DEPDC1B: variants seen among roughly 807,000 people sequenced by gnomAD.
The protein encoded by DEPDC1B is DEP domain-containing protein 1B.
DEPDC1B carries 51 observed loss-of-function variants against 66.5 expected under a neutral mutation model. The observed-to-expected ratio is 0.77, with a 90% confidence interval of 0.61 to 0.97. DEPDC1B has a LOEUF of 0.97. Among genes scored for constraint, DEPDC1B ranks in the 50% least tolerant of loss-of-function variants. The pLI is 0.00. For synonymous variants in DEPDC1B, 226 were observed against 223.6 expected (o/e 1.01, Z -0.10); for missense variants, 552 against 637.1 (o/e 0.87, Z 1.44).
At chr5:60,659,115 C>T (rs547898075) in intron 2 of DEPDC1B, among the ~76,000 whole-genome samples, 1 of 152,304 alleles carries the variant, frequency 6.6e-6, no homozygotes, top group Admixed American at 6.5e-5. Flanking sequence ...AGCTATACCA[C>T]TCATCGCATG....
chr5:60,603,842 TATATACACACAC>T (rs1466840037), intron 8 of DEPDC1B, among the ~76,000 whole-genome samples: 1 of 150,972 alleles, frequency 6.6e-6, no homozygotes, highest in Admixed American at 6.6e-5. Flanking sequence ...TATATATATA[TATATACACACAC>T]ATACACACAT....
chr5:60,617,666 T>C (rs1031284993), intron 7 of DEPDC1B, among the ~76,000 whole-genome samples: 1 of 152,182 alleles, frequency 6.6e-6, no homozygotes, highest in Non-Finnish European at 1.5e-5. Flanking sequence ...CTAAGAGACG[T>C]AGACTCCCAC....
chr5:60,642,462 T>A (rs1753211616), intron 6 of DEPDC1B, among the ~76,000 whole-genome samples: 1 of 152,198 alleles, frequency 6.6e-6, no homozygotes, highest in South Asian at 2.1e-4. Context: ...ACCACCCTGG[T>A]CCAGGCCCTC....
rs541071681 is a variant in DEPDC1B at position 60,624,949 on chromosome 5, T to A, written c.898+13801A>T. ...TGTGATGTTCCCTGCCTTGTGTCCATGTGTTCTCATTGTTCAACTGCCACT... is the reference window on the plus strand; with the variant it reads ...TGTGATGTTCCCTGCCTTGTGTCCAAGTGTTCTCATTGTTCAACTGCCACT... On this transcript the variant is annotated intron_variant, in intron 7 of 10. Transcript: ENST00000265036. 2.4e-3 allele frequency among the ~76,000 whole-genome samples: 331 copies of A among 140,678 alleles called. 3 individuals carry two copies. Among genetic ancestry groups the A allele is most frequent in the African/African-American group, 8.1e-3 (310 of 38,462 alleles). The allele number at this position is 140,678 out of a possible 152,430, so 92.3% of individuals were successfully genotyped here.
rs1754752169 is a variant in DEPDC1B at position 60,700,058 on chromosome 5, T to C, written c.36A>G (p.Arg12=). ...EHRIVGPGPY[R]ATRLWNETVE... ...CACACTCACTCACCAGCCTGGTAGCTCGGTACGGCCCGGGCCCCACGATGC... is the reference window on the plus strand; with the variant it reads ...CACACTCACTCACCAGCCTGGTAGCCCGGTACGGCCCGGGCCCCACGATGC... Residue 12 remains arginine, a synonymous_variant, in exon 1 of 11, where the codon CGA becomes CGG. Coordinates refer to ENST00000265036, the MANE Select transcript of DEPDC1B (RefSeq NM_018369.3). The C allele has an allele frequency of 6.4e-7, 1 of 1,558,356 alleles. No homozygotes were observed. Among genetic ancestry groups the C allele is most frequent in the Non-Finnish European group, 8.7e-7 (1 of 1,152,920 alleles).
chr5:60,604,241 T>TA (rs1554050498), intron 8 of DEPDC1B, among the ~76,000 whole-genome samples: 1 of 143,126 alleles, frequency 7.0e-6, no homozygotes, highest in Non-Finnish European at 1.5e-5. Flanking sequence ...TTTTTTTTTT[T>TA]ACGGAGTCTC....
At chr5:60,646,575 A>G (rs1753320968) in intron 3 of DEPDC1B, among the ~76,000 whole-genome samples, 1 of 152,170 alleles carries the variant, frequency 6.6e-6, no homozygotes, top group African/African-American at 2.4e-5. Flanking sequence ...TATTCAGAGG[A>G]AAAAAATGGA....
In DEPDC1B at chr5:60,605,794, G is replaced by C. The variant is rs1298710067; in HGVS notation, c.961C>G (p.Pro321Ala). The C allele has an allele frequency of 6.2e-7, 1 of 1,613,064 alleles. No individual in the cohort carries two copies. The highest frequency in any genetic ancestry group is 1.7e-5 in the Admixed American group (1 of 59,934). Residue 321 changes from proline to alanine, a missense_variant, in exon 8 of 11, where the codon CCT becomes GCT. By Grantham distance (27) the Pro-to-Ala change is conservative. Coordinates refer to ENST00000265036, the MANE Select transcript of DEPDC1B (RefSeq NM_018369.3). ...AFQICCLLLP[P>A]ENRRKLQLLM... ...AGCTGTAACTTTCTCCTATTTTCAG[G>C]AGGTAGGAGAAGGCAGCAAATCTGA...
At chr5:60,657,613 T>C (rs1332335929) in intron 2 of DEPDC1B, among the ~76,000 whole-genome samples, 1 of 152,246 alleles carries the variant, frequency 6.6e-6, no homozygotes, top group East Asian at 1.9e-4. Context: ...AGGTTAAAGA[T>C]AGGACCCCAA....
chr5:60,668,277 A>G (rs1183748111), intron 2 of DEPDC1B, among the ~76,000 whole-genome samples: 7 of 133,022 alleles, frequency 5.3e-5, no homozygotes, highest in African/African-American at 2.0e-4. Flanking sequence ...ATATATATAT[A>G]TGTATTTTTT....
intron 2 of DEPDC1B, among the ~76,000 whole-genome samples, chr5:60,677,433 G>A (rs1052851333): frequency 4.6e-5 from 7 of 151,350 alleles, no homozygotes; most frequent in Non-Finnish European, 1.0e-4. Flanking sequence ...TCACTGCCAC[G>A]GATTGGAAAA....
intron 7 of DEPDC1B, among the ~76,000 whole-genome samples, chr5:60,616,050 A>G (rs1163460746): frequency 6.6e-6 from 1 of 152,242 alleles, no homozygotes; most frequent in Non-Finnish European, 1.5e-5. Flanking sequence ...GTGGACCTCC[A>G]GCAAACACCA....
chr5:60,643,481 T>C (rs1406767708), intron 5 of DEPDC1B, among the ~76,000 whole-genome samples: 4 of 152,228 alleles, frequency 2.6e-5, no homozygotes, highest in African/African-American at 4.8e-5. Context: ...CACAGACATC[T>C]GATGAGATGG....
chr5:60,652,153 A>G (rs1415885410), intron 2 of DEPDC1B, among the ~76,000 whole-genome samples: 1 of 149,450 alleles, frequency 6.7e-6, no homozygotes, highest in Non-Finnish European at 1.5e-5. Context: ...AATATTTATG[A>G]AAGAAGAAAT....
intron 1 of DEPDC1B, among the ~76,000 whole-genome samples, chr5:60,694,682 T>C (rs749964678): frequency 1.3e-5 from 2 of 152,202 alleles, no homozygotes; most frequent in African/African-American, 2.4e-5. Context: ...CATTTTTCTA[T>C]TGGGTTATCT....
intron 2 of DEPDC1B, among the ~76,000 whole-genome samples, chr5:60,662,031 C>T (rs1166198478): frequency 6.6e-6 from 1 of 152,094 alleles, no homozygotes; most frequent in Non-Finnish European, 1.5e-5. Context: ...TGTCACCTAA[C>T]TCTATTAAAG....
intron 2 of DEPDC1B, among the ~76,000 whole-genome samples, chr5:60,680,803 G>A (rs1754280298): frequency 6.6e-6 from 1 of 152,144 alleles, no homozygotes. Context: ...TACACCAAAT[G>A]TTTCTTGCTT....
intron 2 of DEPDC1B, among the ~76,000 whole-genome samples, chr5:60,657,490 G>GTA (rs1753605345): frequency 6.6e-6 from 1 of 152,112 alleles, no homozygotes; most frequent in Admixed American, 6.5e-5. Flanking sequence ...TAGTAGCTTG[G>GTA]TAGTAGCAAA....
intron 2 of DEPDC1B, among the ~76,000 whole-genome samples, chr5:60,671,303 C>T (rs547376246): frequency 6.6e-6 from 1 of 152,178 alleles, no homozygotes; most frequent in African/African-American, 2.4e-5. Flanking sequence ...AAAGCACCAA[C>T]GTGTGGGCAA....
Sources: allele counts gnomAD v4.1 joint callset (sites outside exome capture counted in the v4.1 genomes callset), GRCh38; gene constraint gnomAD v4.1.1; transcripts MANE v1.5; gene names NCBI Gene and HGNC (gene_info 2026-07-23, HGNC 2026-07-21).